Variants in TNKS2 observed in about 807,000 individuals in gnomAD.
TNKS2 encodes the protein poly [ADP-ribose] polymerase tankyrase-2.
Under a neutral mutation model 137.6 loss-of-function variants are expected in TNKS2, and 72 were observed. The observed-to-expected ratio is 0.52, with a 90% CI of 0.43 to 0.64. The LOEUF (loss-of-function observed/expected upper bound fraction) is 0.64, where lower values mean the gene tolerates loss of function less well. TNKS2 is among the 30% of genes least tolerant of loss of function. The probability of loss-of-function intolerance (pLI) is 0.00; values close to 1 mark genes in which losing one functional copy is unlikely to be tolerated. For missense variants in TNKS2, 1,049 were observed against 1,410.2 expected, an observed-to-expected ratio of 0.74 and a Z score of 4.10; for synonymous variants, 516 against 512.1, an observed-to-expected ratio of 1.01 and a Z score of -0.10.
Position 91,849,525 on chromosome 10 carries a change from T to G in TNKS2, c.2625T>G (p.Asp875Glu), listed in dbSNP as rs1365475709. 1.9e-6 allele frequency: 3 copies of G among 1,611,378 alleles called. No homozygotes were observed. Among genetic ancestry groups the G allele is most frequent in the Non-Finnish European group, 2.5e-6 (3 of 1,179,122 alleles). Reference protein sequence around the residue: ...SLEKKEVPGVDFSITQFVRNL... With the variant: ...SLEKKEVPGVEFSITQFVRNL... The stretch of plus-strand genomic sequence containing the variant: ...TTTATTTCCCAGTTCCAGGAGTAGA[T>G]TTTAGCATAACTCAATTCGTAAGGA... Residue 875 changes from aspartate (D) to glutamate (E), a missense_variant, in exon 20 of 27, where the codon GAT becomes GAG. By Grantham distance (45) the Asp-to-Glu change is conservative. Around this residue, in one of 6 missense-constraint regions of TNKS2, gnomAD observed 208 missense variants for 231.2 expected, o/e 0.90. Transcript: ENST00000371627.
chr10:91,846,300 A>G (rs1842369099), intron 18 of TNKS2, among the ~76,000 whole-genome samples: 1 of 152,200 alleles, frequency 6.6e-6, no homozygotes, highest in African/African-American at 2.4e-5. Context: ...GGTCTTACAC[A>G]CGGCCCCAAC....
At chr10:91,853,136 A>G (rs182068835) in intron 21 of TNKS2, among the ~76,000 whole-genome samples, 6 of 152,346 alleles carry the variant, frequency 3.9e-5, no homozygotes, top group Admixed American at 3.9e-4. Flanking sequence ...TTTAGGAAAG[A>G]GGCAGAGTAG....
intron 1 of TNKS2, among the ~76,000 whole-genome samples, chr10:91,800,837 A>C (rs1025517457): frequency 3.9e-5 from 6 of 152,216 alleles, no homozygotes; most frequent in Admixed American, 3.3e-4. Flanking sequence ...AAGCTTTTTA[A>C]GTGCATCCAG....
At chr10:91,822,181 C>G (rs1844911176) in intron 6 of TNKS2, 115 bp from the exon 7 acceptor site, 1 of 783,742 alleles carries the variant, frequency 1.3e-6, no homozygotes, top group Admixed American at 2.6e-5. Flanking sequence ...ATTAGAACAT[C>G]ACATAATCCA....
intron 16 of TNKS2, among the ~76,000 whole-genome samples, chr10:91,843,836 C>T (rs1240765888): frequency 6.6e-6 from 1 of 152,182 alleles, no homozygotes; most frequent in African/African-American, 2.4e-5. Context: ...ATGTTCATTT[C>T]AGTCTTGTAT....
chr10:91,813,342 CT>C (rs1372115319), intron 2 of TNKS2, 135 bp downstream of exon 2: 1 of 815,512 alleles, frequency 1.2e-6, no homozygotes, highest in Non-Finnish European at 1.9e-6. Context: ...TTTAATCTAA[CT>C]ACTATTTACT....
chr10:91,813,550 GAGTCTTTCCGTGAGAAAGGGAA>G (rs1448957877), intron 2 of TNKS2, among the ~76,000 whole-genome samples: 1 of 152,180 alleles, frequency 6.6e-6, no homozygotes, highest in Non-Finnish European at 1.5e-5. Flanking sequence ...CTACTTCCTG[GAGTCTTTCCGTGAGAAAGGGAA>G]AGTCTTTCCA....
rs150990353 is a variant in TNKS2 at position 91,856,552 on chromosome 10, TGA to T, written c.2988+868_2989-868del. Reference sequence around the variant, plus strand: ...AAAATGTGTGGAGTTTTGTTAGGAGTGAGAGCAGGAGAGAGGTTGTGTGTTTG... The same window carrying T: ...AAAATGTGTGGAGTTTTGTTAGGAGTGAGCAGGAGAGAGGTTGTGTGTTTG... On this transcript the variant is annotated intron_variant, in intron 23 of 26. Coordinates refer to ENST00000371627, the MANE Select transcript of TNKS2 (RefSeq NM_025235.4). Among the ~76,000 whole-genome samples the T allele has an allele frequency of 2.0e-3, 300 of 152,236 alleles. 1 individual carries two copies. The highest frequency in any genetic ancestry group is 6.9e-3 in the African/African-American group (287 of 41,548).
At chr10:91,804,323 A>T (rs890198463) in intron 1 of TNKS2, among the ~76,000 whole-genome samples, 2 of 152,202 alleles carry the variant, frequency 1.3e-5, no homozygotes, top group Non-Finnish European at 2.9e-5. Flanking sequence ...TAACTGACAC[A>T]TGGTTAATGT....
At chr10:91,829,248 G>T (rs1210274736) in intron 9 of TNKS2, among the ~76,000 whole-genome samples, 1 of 148,886 alleles carries the variant, frequency 6.7e-6, no homozygotes, top group East Asian at 2.0e-4. Flanking sequence ...AAAGCATTTT[G>T]GACCTTTTTA....
chr10:91,860,585 T>C (rs917564632), intron 25 of TNKS2, among the ~76,000 whole-genome samples: 2 of 152,202 alleles, frequency 1.3e-5, no homozygotes, highest in Admixed American at 1.3e-4. Context: ...ATTAAAAAAC[T>C]ATTAATGCCT....
chr10:91,852,089 G>T (rs912368391), intron 21 of TNKS2, among the ~76,000 whole-genome samples: 1 of 151,418 alleles, frequency 6.6e-6, no homozygotes, highest in South Asian at 2.1e-4. Context: ...TTAGCCGGGC[G>T]TGGTGGTGGG....
intron 7 of TNKS2, among the ~76,000 whole-genome samples, chr10:91,822,907 C>G (rs1166440541): frequency 1.3e-5 from 2 of 151,624 alleles, no homozygotes; most frequent in Non-Finnish European, 2.9e-5. Context: ...TCTTGCTACA[C>G]ATCATCTTGT....
intron 9 of TNKS2, among the ~76,000 whole-genome samples, chr10:91,828,833 A>G: frequency 6.6e-6 from 1 of 152,168 alleles, no homozygotes; most frequent in Non-Finnish European, 1.5e-5. Flanking sequence ...TTAGATCTAG[A>G]ATGTGAATAA....
At chr10:91,836,623 A>G (rs1168881757) in intron 12 of TNKS2, 1 of 984,660 alleles carries the variant, frequency 1.0e-6, no homozygotes, top group East Asian at 1.1e-4. Context: ...TGGCTTGCTT[A>G]TAGAGCAGGC....
In TNKS2 at chr10:91,865,078, G is replaced by A. The variant is rs139344799; in HGVS notation, c.*2079G>A. ...GGGAAGTTGGGGTTTTGGGGGGAGG[G>A]GGAGTATTAGTACGTTGCATGAAAT... is the stretch of plus-strand genomic sequence containing the variant. On this transcript the variant is annotated 3_prime_UTR_variant, in exon 27 of 27. Coordinates refer to ENST00000371627, the MANE Select transcript of TNKS2 (RefSeq NM_025235.4). 1.3e-5 allele frequency: 2 copies of A among 152,378 alleles called. No individual in the cohort carries two copies. Among genetic ancestry groups the A allele is most frequent in the Non-Finnish European group, 2.9e-5 (2 of 67,968 alleles). The allele number at this position is 152,378 out of a possible 1,614,324, so 9.4% of individuals were successfully genotyped here.
intron 1 of TNKS2, among the ~76,000 whole-genome samples, chr10:91,802,575 C>G (rs1043909510): frequency 1.3e-5 from 2 of 152,320 alleles, no homozygotes; most frequent in East Asian, 1.9e-4. Flanking sequence ...CTCACTAGTA[C>G]AAGAAAGTGG....
rs1196541236 is a variant in TNKS2, at chr10:91,845,871, G to A, written c.2289G>A (p.Leu763=). 16 of 1,608,492 alleles carry A rather than the reference G, an allele frequency of 9.9e-6. No individual in the cohort carries two copies. Among genetic ancestry groups the A allele is most frequent in the African/African-American group, 9.3e-5 (7 of 74,876 alleles). Residue 763 remains leucine, a synonymous_variant, in exon 18 of 27, where the codon TTG becomes TTA. Transcript: ENST00000371627. ...AQKGRTQLCA[L]LLAHGADPTL... ...AGGGACGAACACAGCTTTGTGCTTT[G>A]TTGCTAGCCCATGGAGCTGACCCGA...
rs1844049225 is a variant in TNKS2 at position 91,798,663 on chromosome 10, G to T, written c.-28G>T. 1.6e-6 allele frequency: 2 copies of T among 1,220,726 alleles called. No individual in the cohort carries two copies. The highest frequency in any genetic ancestry group is 4.3e-5 in the Admixed American group (1 of 23,070). 75.6% of individuals were successfully genotyped at this position (1,220,726 alleles called of 1,614,324 possible). ...GGCTCCTGCTCCGGTTGCTGGCGCT[G>T]TTGCTGGCTGTGGCGGCGGCCAGGA... On this transcript the variant is annotated 5_prime_UTR_variant, in exon 1 of 27. Coordinates refer to ENST00000371627, the MANE Select transcript of TNKS2 (RefSeq NM_025235.4).
Sources: gnomAD v4.1 joint callset for allele counts (sites outside exome capture counted in the v4.1 genomes callset) on GRCh38, gnomAD v4.1.1 for gene constraint, gnomAD v4.1.1 regional missense constraint, MANE v1.5 for transcripts, NCBI Gene and HGNC (gene_info 2026-07-23, HGNC 2026-07-21) for gene names.